Variants in GABRB1 observed in about 807,000 individuals in gnomAD.
The protein encoded by GABRB1 is gamma-aminobutyric acid receptor subunit beta-1.
GABRB1 carries 17 observed loss-of-function variants against 51.6 expected under a neutral mutation model. That is an observed-to-expected ratio of 0.33 (90% CI 0.23 to 0.49). The LOEUF (loss-of-function observed/expected upper bound fraction) is 0.49, where lower values mean the gene tolerates loss of function less well. Among genes scored for constraint, GABRB1 ranks in the 20% least tolerant of loss-of-function variants. The pLI, the probability that GABRB1 is intolerant of heterozygous loss-of-function variation, is 0.99. For missense variants in GABRB1, 410 were observed against 600.6 expected (o/e 0.68, Z 3.32); for synonymous variants, 247 against 218.9 (o/e 1.13, Z -1.14).
At chr4:47,228,604 G>A (rs1453635174) in intron 4 of GABRB1, among the ~76,000 whole-genome samples, 1 of 151,942 alleles carries the variant, frequency 6.6e-6, no homozygotes, top group Non-Finnish European at 1.5e-5. Flanking sequence ...ATCTTCTGGA[G>A]GATATGTGTC....
At chr4:47,260,431 T>C (rs1194912308) in intron 4 of GABRB1, among the ~76,000 whole-genome samples, 3 of 152,218 alleles carry the variant, frequency 2.0e-5, no homozygotes, top group African/African-American at 7.2e-5. Context: ...TCGATGGTCT[T>C]TACATTTTGG....
intron 8 of GABRB1, among the ~76,000 whole-genome samples, chr4:47,420,106 C>T (rs563573630): frequency 5.3e-5 from 8 of 152,262 alleles, no homozygotes; most frequent in African/African-American, 1.4e-4. Context: ...CTTACCTCCC[C>T]GGTCACTGGA....
chr4:47,250,048 G>A (rs1006538978), intron 4 of GABRB1, among the ~76,000 whole-genome samples: 1 of 152,066 alleles, frequency 6.6e-6, no homozygotes, highest in Admixed American at 6.5e-5. Context: ...TATAGGTCTT[G>A]TGTGATTTAT....
chr4:47,354,092 G>A (rs1400547007), intron 5 of GABRB1, among the ~76,000 whole-genome samples: 1 of 152,054 alleles, frequency 6.6e-6, no homozygotes, highest in Non-Finnish European at 1.5e-5. Flanking sequence ...CTCTCTTTTA[G>A]CCTAGTCCCA....
intron 3 of GABRB1, among the ~76,000 whole-genome samples, chr4:47,123,341 TAA>T (rs1715876044): frequency 7.7e-6 from 1 of 129,054 alleles, no homozygotes; most frequent in Non-Finnish European, 1.6e-5. Flanking sequence ...TAATATTATA[TAA>T]TATATATTAG....
At position 47,049,007 on chromosome 4, in the gene GABRB1, C is replaced by T. The variant is rs190367536; in HGVS notation, c.240+16523C>T. ...TTGCTGTTCTTGCTCTAGTTCTTAC[C>T]TAGGGTTACTGTCATAGACAGAGCC... On this transcript the variant is annotated intron_variant, in intron 3 of 8. Transcript: ENST00000295454. Among the ~76,000 whole-genome samples the T allele has an allele frequency of 1.8e-4, 28 of 151,686 alleles. No individual in the cohort carries two copies. The East Asian group carries it at 4.5e-3, about 24-fold the overall frequency.
chr4:47,270,883 G>A (rs1367678341), intron 4 of GABRB1, among the ~76,000 whole-genome samples: 1 of 152,112 alleles, frequency 6.6e-6, no homozygotes, highest in African/African-American at 2.4e-5. Flanking sequence ...CACAAATTAA[G>A]ATAACCAGCC....
At position 47,121,540 on chromosome 4, in the gene GABRB1, A is replaced by G. The variant is rs564446244; in HGVS notation, c.241-39709A>G. Reference sequence around the variant, plus strand: ...GATTGATGAAGGCTTCCATTTGGCCATCTTGCTTCACCTCCCACTCCTAAA... The same window carrying G: ...GATTGATGAAGGCTTCCATTTGGCCGTCTTGCTTCACCTCCCACTCCTAAA... On this transcript the variant is annotated intron_variant, in intron 3 of 8. Transcript: ENST00000295454. Among the ~76,000 whole-genome samples, 4 of 152,286 alleles carry G rather than the reference A, an allele frequency of 2.6e-5. No homozygotes were observed. The South Asian group carries it at 8.3e-4, about 32-fold the overall frequency.
At chr4:47,123,893 T>TATA (rs1553917554) in intron 3 of GABRB1, among the ~76,000 whole-genome samples, 1 of 80,516 alleles carries the variant, frequency 1.2e-5, no homozygotes, top group Non-Finnish European at 2.5e-5. Flanking sequence ...ATATATATAA[T>TATA]ATATAATATA....
At chr4:47,161,632 G>A (rs928371297) in intron 4 of GABRB1, among the ~76,000 whole-genome samples, 163 bp downstream of exon 4, 1 of 151,848 alleles carries the variant, frequency 6.6e-6, no homozygotes, top group African/African-American at 2.4e-5. Flanking sequence ...TGTAGTTAAG[G>A]GCTTTTTACA....
intron 4 of GABRB1, among the ~76,000 whole-genome samples, chr4:47,205,544 G>T (rs1340690205): frequency 2.6e-5 from 4 of 152,072 alleles, no homozygotes; most frequent in Admixed American, 2.6e-4. Flanking sequence ...AGGTTTATGT[G>T]ACTGTATGTT....
chr4:47,261,725 G>C (rs931406939), intron 4 of GABRB1, among the ~76,000 whole-genome samples: 2 of 151,942 alleles, frequency 1.3e-5, no homozygotes, highest in African/African-American at 4.8e-5. Flanking sequence ...AAAAGAGCCC[G>C]CATCACCAAG....
intron 3 of GABRB1, among the ~76,000 whole-genome samples, chr4:47,081,578 G>T (rs2109567748): frequency 6.6e-6 from 1 of 152,154 alleles, no homozygotes; most frequent in East Asian, 1.9e-4. Flanking sequence ...AAGGATCATG[G>T]TCTTATACTT....
intron 5 of GABRB1, among the ~76,000 whole-genome samples, chr4:47,383,549 CTGATA>C (rs1209281154): frequency 1.3e-5 from 2 of 152,080 alleles, no homozygotes; most frequent in Non-Finnish European, 2.9e-5. Flanking sequence ...AAATTCTGAT[CTGATA>C]TATTAGTAAT....
chr4:47,318,611 A>G (rs1435777335), intron 4 of GABRB1, among the ~76,000 whole-genome samples: 1 of 152,142 alleles, frequency 6.6e-6, no homozygotes. Flanking sequence ...TTCATACCAT[A>G]TTCACCACTC....
At chr4:47,013,988 A>C (rs1724662090) in intron 1 of GABRB1, among the ~76,000 whole-genome samples, 1 of 152,124 alleles carries the variant, frequency 6.6e-6, no homozygotes, top group African/African-American at 2.4e-5. Context: ...AAATAATGTC[A>C]CAAAATTTTG....
intron 8 of GABRB1, among the ~76,000 whole-genome samples, chr4:47,414,277 C>T (rs1215018549): frequency 1.3e-5 from 2 of 152,132 alleles, no homozygotes; most frequent in East Asian, 3.9e-4. Flanking sequence ...TCGACATGTG[C>T]CCAAGGTGGT....
At chr4:47,162,214 C>T (rs2073447603) in intron 4 of GABRB1, among the ~76,000 whole-genome samples, 2 of 151,988 alleles carry the variant, frequency 1.3e-5, no homozygotes, top group Non-Finnish European at 2.9e-5. Flanking sequence ...GCCTACTAAT[C>T]CAAGATTGGT....
chr4:47,406,731 G>A lies in GABRB1; in HGVS notation c.885G>A (p.Glu295=). 1.2e-6 allele frequency: 2 copies of A among 1,614,162 alleles called. No homozygotes were observed. The highest frequency in any genetic ancestry group is 1.7e-6 in the Non-Finnish European group (2 of 1,179,998). ...CAACCATCAGCACCCACCTCAGGGA[G>A]ACCCTGCCAAAGATCCCTTATGTCA... The part of the protein sequence containing the change: ...TMTTISTHLR[E]TLPKIPYVKA... The change falls in exon 8 of 9, where the codon GAG becomes GAA. Residue 295 remains glutamate, a synonymous_variant. Coordinates refer to ENST00000295454, the MANE Select transcript of GABRB1 (RefSeq NM_000812.4).
Sources: gnomAD v4.1 joint callset for allele counts (sites outside exome capture counted in the v4.1 genomes callset) on GRCh38, gnomAD v4.1.1 for gene constraint, MANE v1.5 for transcripts, NCBI Gene and HGNC (gene_info 2026-07-23, HGNC 2026-07-21) for gene names.